The following BZW2 variants were observed in gnomAD, a reference collection of about 807,000 sequenced individuals.
The protein encoded by BZW2 is basic leucine zipper and W2 domains 2.
A neutral mutation model predicts 53.2 loss-of-function variants in BZW2; 23 were observed. The ratio of observed to expected loss-of-function variants is 0.43; its 90% confidence interval spans 0.31 to 0.61. BZW2 has a LOEUF of 0.61. Among genes scored for constraint, BZW2 ranks in the 20% least tolerant of loss-of-function variants. The probability of loss-of-function intolerance (pLI) is 0.09; values close to 1 mark genes in which losing one functional copy is unlikely to be tolerated. For synonymous variants in BZW2, 227 were observed against 186.4 expected, an observed-to-expected ratio of 1.22 and a Z score of -1.77; for missense variants, 409 against 503.1, an observed-to-expected ratio of 0.81 and a Z score of 1.79.
rs11982578 is a variant in BZW2 at position 16,693,639 on chromosome 7, T to A, written c.652-1195T>A. Among the ~76,000 whole-genome samples, 712 of 152,294 alleles carry A rather than the reference T, an allele frequency of 4.7e-3. 7 individuals are homozygous for A. Among genetic ancestry groups the A allele is most frequent in the African/African-American group, 0.016 (670 of 41,536 alleles). ...ACAGTTATTATGAGGAAAGTGCCAG[T>A]ACATTTTGATTCATAGAAGAAACTC... On this transcript the variant is annotated intron_variant, in intron 7 of 11. Transcript: ENST00000258761.
At chr7:16,668,236 A>G (rs58370486) in intron 2 of BZW2, among the ~76,000 whole-genome samples, 15,814 of 152,144 alleles carry the variant, frequency 0.1, 1,970 homozygotes, top group African/African-American at 0.3. Flanking sequence ...AATGTGTTGC[A>G]CAACAGCAGA....
At chr7:16,692,359 AT>A (rs1489456133) in intron 7 of BZW2, among the ~76,000 whole-genome samples, 1 of 152,184 alleles carries the variant, frequency 6.6e-6, no homozygotes, top group Non-Finnish European at 1.5e-5. Context: ...AGATGGGGAG[AT>A]TGAAAGGAAC....
chr7:16,665,511 G>A lies in BZW2; in HGVS notation c.58+10G>A, dbSNP rs1260850250. The A allele has an allele frequency of 2.0e-6, 3 of 1,509,950 alleles. No homozygotes were observed. Among genetic ancestry groups the A allele is most frequent in the South Asian group, 2.3e-5 (2 of 86,782 alleles). 93.5% of individuals were successfully genotyped at this position (1,509,950 alleles called of 1,614,324 possible). ...AAAACTCGGAAAAGGGGTAGGTTGT[G>A]TGTGTGTGTGTGTGTGTGTTTAAAG... On this transcript the variant is annotated intron_variant, in intron 2 of 11. Transcript: ENST00000258761.
At chr7:16,673,039 G>A (rs942055553) in intron 2 of BZW2, among the ~76,000 whole-genome samples, 2 of 151,746 alleles carry the variant, frequency 1.3e-5, no homozygotes, top group Non-Finnish European at 2.9e-5. Context: ...TCCGCCTCCC[G>A]GGTTCAAGTG....
chr7:16,679,144 G>T (rs913565778), intron 3 of BZW2, among the ~76,000 whole-genome samples: 3 of 152,190 alleles, frequency 2.0e-5, no homozygotes, highest in Non-Finnish European at 4.4e-5. Flanking sequence ...AAGCCTGGGG[G>T]TGCTGCAGGA....
intron 1 of BZW2, among the ~76,000 whole-genome samples, chr7:16,655,525 A>AACAATC (rs561415477): frequency 5.9e-4 from 90 of 152,306 alleles, no homozygotes; most frequent in Admixed American, 2.6e-3. Flanking sequence ...TTCTGGTAAG[A>AACAATC]ACAATCAAAA....
intron 1 of BZW2, among the ~76,000 whole-genome samples, chr7:16,662,988 G>T (rs192793313): frequency 2.6e-4 from 40 of 152,208 alleles, no homozygotes; most frequent in Middle Eastern, 3.4e-3. Context: ...GGGAGATATG[G>T]AGACAATAAT....
chr7:16,690,665 A>G (rs981637256), intron 7 of BZW2, among the ~76,000 whole-genome samples: 4 of 152,242 alleles, frequency 2.6e-5, no homozygotes, highest in Non-Finnish European at 4.4e-5. Flanking sequence ...AAGTTTAAAC[A>G]AGATTTCCCT....
intron 2 of BZW2, among the ~76,000 whole-genome samples, chr7:16,669,651 A>G (rs1261093406): frequency 6.6e-6 from 1 of 152,218 alleles, no homozygotes; most frequent in Non-Finnish European, 1.5e-5. Context: ...CTGCTATTAT[A>G]TCACTTCACT....
intron 2 of BZW2, among the ~76,000 whole-genome samples, chr7:16,671,480 G>A (rs1782596783): frequency 6.6e-6 from 1 of 152,124 alleles, no homozygotes; most frequent in East Asian, 1.9e-4. Flanking sequence ...GGAAAAGCTT[G>A]AAATGTCCTT....
At chr7:16,684,577 G>A (rs182593331) in intron 5 of BZW2, among the ~76,000 whole-genome samples, 1 of 152,146 alleles carries the variant, frequency 6.6e-6, no homozygotes, top group East Asian at 1.9e-4. Context: ...TTATTTTAGA[G>A]GCTAATTTTT....
chr7:16,654,663 T>G (rs1782076143), intron 1 of BZW2, among the ~76,000 whole-genome samples: 1 of 151,238 alleles, frequency 6.6e-6, no homozygotes, highest in Non-Finnish European at 1.5e-5. Flanking sequence ...GCCTCCCAAG[T>G]AGCTGGGGTT....
intron 3 of BZW2, among the ~76,000 whole-genome samples, chr7:16,678,697 T>A (rs1341622586): frequency 6.6e-6 from 1 of 152,162 alleles, no homozygotes; most frequent in African/African-American, 2.4e-5. Flanking sequence ...CTAAGTTTGT[T>A]CCATATCAGG....
chr7:16,704,524 A>T, intron 10 of BZW2, 23 bp from the exon 11 acceptor site: 1 of 1,503,734 alleles, frequency 6.7e-7, no homozygotes, highest in Non-Finnish European at 9.0e-7. Flanking sequence ...AGTAACTTTG[A>T]AATCTTTGAT....
intron 1 of BZW2, among the ~76,000 whole-genome samples, chr7:16,659,366 G>T (rs1025815041): frequency 6.6e-6 from 1 of 152,038 alleles, no homozygotes; most frequent in South Asian, 2.1e-4. Flanking sequence ...TCATGATAAG[G>T]ATATTAAACA....
intron 10 of BZW2, among the ~76,000 whole-genome samples, chr7:16,703,493 A>G (rs1783738002): frequency 6.6e-6 from 1 of 152,198 alleles, no homozygotes; most frequent in African/African-American, 2.4e-5. Context: ...TGTCATTTTC[A>G]TAAGTTGAAA....
intron 1 of BZW2, among the ~76,000 whole-genome samples, chr7:16,646,542 C>G (rs1317014021): frequency 7.1e-6 from 1 of 141,600 alleles, no homozygotes; most frequent in East Asian, 2.5e-4. Context: ...GGACCGCGGG[C>G]GGGCGGGCGG....
chr7:16,677,963 A>G (rs1782817687), intron 3 of BZW2, among the ~76,000 whole-genome samples: 1 of 152,034 alleles, frequency 6.6e-6, no homozygotes, highest in African/African-American at 2.4e-5. Context: ...CCAGATGTCT[A>G]CTGAGTCCGG....
chr7:16,667,658 A>G (rs2128355429), intron 2 of BZW2, among the ~76,000 whole-genome samples: 1 of 152,372 alleles, frequency 6.6e-6, no homozygotes, highest in East Asian at 1.9e-4. Context: ...GACTGAATTT[A>G]ACTGTGTGCT....
Sources: gnomAD v4.1 joint callset for allele counts (sites outside exome capture counted in the v4.1 genomes callset) on GRCh38, gnomAD v4.1.1 for gene constraint, MANE v1.5 for transcripts, NCBI Gene and HGNC (gene_info 2026-07-23, HGNC 2026-07-21) for gene names.